Variants in C2orf80 observed in about 807,000 individuals in gnomAD.
C2orf80 encodes the protein chromosome 2 open reading frame 80.
Under a neutral mutation model 30.2 loss-of-function variants are expected in C2orf80, and 28 were observed. The ratio of observed to expected loss-of-function variants is 0.93; its 90% CI spans 0.69 to 1.27. C2orf80 has a LOEUF of 1.27. C2orf80 is among the 50% of genes most tolerant of loss of function. The probability of loss-of-function intolerance (pLI) is 0.00; values close to 1 mark genes in which losing one functional copy is unlikely to be tolerated. For synonymous variants in C2orf80, 80 were observed against 76.4 expected (o/e 1.05, Z -0.24); for missense variants, 220 against 231.0 (o/e 0.95, Z 0.31).
At chr2:208,180,375 C>T (rs919179399) in intron 6 of C2orf80, among the ~76,000 whole-genome samples, 1 of 151,488 alleles carries the variant, frequency 6.6e-6, no homozygotes, top group Non-Finnish European at 1.5e-5. Flanking sequence ...TCCTTGAACC[C>T]AGGAGGCAGA....
intron 8 of C2orf80, among the ~76,000 whole-genome samples, chr2:208,166,427 A>G (rs1203326344): frequency 6.6e-6 from 1 of 152,224 alleles, no homozygotes; most frequent in Non-Finnish European, 1.5e-5. Flanking sequence ...TTTTTACATT[A>G]AAAAGTTATA....
At chr2:208,186,284 T>A (rs1480039705) in intron 2 of C2orf80, among the ~76,000 whole-genome samples, 1 of 152,200 alleles carries the variant, frequency 6.6e-6, no homozygotes, top group East Asian at 1.9e-4. Flanking sequence ...AGATATTTGA[T>A]GGGGATGGTG....
At chr2:208,172,753 C>T (rs1249910056) in intron 6 of C2orf80, among the ~76,000 whole-genome samples, 2 of 152,198 alleles carry the variant, frequency 1.3e-5, no homozygotes, top group African/African-American at 2.4e-5. Flanking sequence ...ATACCCATGG[C>T]TTAGCAATTT....
At chr2:208,177,125 A>ATATATGTACATACATATATAT (rs1553597520) in intron 6 of C2orf80, among the ~76,000 whole-genome samples, 1 of 143,708 alleles carries the variant, frequency 7.0e-6, no homozygotes, top group African/African-American at 2.6e-5. Context: ...GCTCGATTTT[A>ATATATGTACATACATATATAT]TATATATACA....
At chr2:208,186,564 G>C (rs1696723871) in intron 2 of C2orf80, among the ~76,000 whole-genome samples, 1 of 152,172 alleles carries the variant, frequency 6.6e-6, no homozygotes, top group East Asian at 1.9e-4. Context: ...CAGAGCAGAG[G>C]CTGCAATTTA....
intron 4 of C2orf80, among the ~76,000 whole-genome samples, chr2:208,181,798 G>A (rs375686544): frequency 1.9e-4 from 29 of 152,064 alleles, no homozygotes; most frequent in African/African-American, 6.5e-4. Flanking sequence ...AGACACAATT[G>A]GGTGATTAAA....
chr2:208,172,350 C>G (rs1450253014), intron 6 of C2orf80, among the ~76,000 whole-genome samples: 1 of 152,160 alleles, frequency 6.6e-6, no homozygotes, highest in Non-Finnish European at 1.5e-5. Context: ...CCCTTTATAG[C>G]CATTTCCTCC....
intron 8 of C2orf80, among the ~76,000 whole-genome samples, chr2:208,169,461 G>A (rs1377184528): frequency 6.6e-6 from 1 of 152,102 alleles, no homozygotes; most frequent in Non-Finnish European, 1.5e-5. Flanking sequence ...GCCGGGCACA[G>A]TGGCTCACGC....
At chr2:208,168,953 G>A (rs1222110023) in intron 8 of C2orf80, among the ~76,000 whole-genome samples, 2 of 151,326 alleles carry the variant, frequency 1.3e-5, no homozygotes, top group African/African-American at 2.4e-5. Flanking sequence ...AGGACTATTC[G>A]CTTACTACCT....
At position 208,176,201 on chromosome 2, in the gene C2orf80, A is replaced by C. The variant is rs182379695; in HGVS notation, c.367-4126T>G. On this transcript the variant is annotated intron_variant, in intron 6 of 8. Transcript: ENST00000341287. ...AGAGACATTTTTTTTTTTGAGACGG[A>C]GTCTCCCTCTGTTGCCCAAGCTGGA... Among the ~76,000 whole-genome samples, 46 of 151,742 alleles carry C rather than the reference A, an allele frequency of 3.0e-4. No homozygotes were observed. In the East Asian group the frequency reaches 8.7e-3, roughly 29 times the overall value.
At position 208,184,436 on chromosome 2, in the gene C2orf80, T is replaced by C. The variant is rs536104095; in HGVS notation, c.123+515A>G. Among the ~76,000 whole-genome samples, 4 of 152,158 alleles carry C rather than the reference T, an allele frequency of 2.6e-5. No homozygotes were observed. In the South Asian group the frequency reaches 8.3e-4, roughly 32 times the overall value. On this transcript the variant is annotated intron_variant, in intron 3 of 8. Transcript: ENST00000341287. ...TTTTTATTAGTGTAAGGATAGTAAA[T>C]GGGCAGTGAAAAAACTGAGGGTTTG...
chr2:208,172,566 G>T (rs528924067), intron 6 of C2orf80, among the ~76,000 whole-genome samples: 1 of 152,256 alleles, frequency 6.6e-6, no homozygotes, highest in South Asian at 2.1e-4. Flanking sequence ...ATGAATAGTT[G>T]TCCATTGGTA....
chr2:208,170,853 A>G (rs1696075291), intron 8 of C2orf80, 92 bp downstream of exon 8: 1 of 973,968 alleles, frequency 1.0e-6, no homozygotes, highest in African/African-American at 1.6e-5. Context: ...AGAGCACCTG[A>G]CTCCAAAGGC....
At chr2:208,176,963 A>ATCTGTATACATC (rs1308794551) in intron 6 of C2orf80, among the ~76,000 whole-genome samples, 2 of 36,168 alleles carry the variant, frequency 5.5e-5, no homozygotes, top group African/African-American at 1.6e-4. Context: ...CTGTATACAT[A>ATCTGTATACATC]TGTATACATA....
intron 1 of C2orf80, among the ~76,000 whole-genome samples, chr2:208,187,272 C>T (rs1696745971): frequency 6.6e-6 from 1 of 152,184 alleles, no homozygotes; most frequent in African/African-American, 2.4e-5. Context: ...TTTTCCAACA[C>T]TTATTTACTT....
At chr2:208,172,281 T>C (rs7564942) in intron 6 of C2orf80, among the ~76,000 whole-genome samples, 134,652 of 152,174 alleles carry the variant, frequency 0.88, 59,782 homozygotes, top group Non-Finnish European at 0.92. Context: ...CTTTTGTTCC[T>C]GTACTTGGTT....
At chr2:208,179,965 C>T (rs1254325165) in intron 6 of C2orf80, among the ~76,000 whole-genome samples, 2 of 151,988 alleles carry the variant, frequency 1.3e-5, no homozygotes, top group Admixed American at 6.6e-5. Context: ...AGCAGTGAGA[C>T]CCGTCTTTAA....
At position 208,165,553 on chromosome 2, in the gene C2orf80, T is replaced by C. The variant is rs1695857690; in HGVS notation, c.*254A>G. 4.7e-6 allele frequency: 2 copies of C among 425,284 alleles called. No homozygotes were observed. The highest frequency in any genetic ancestry group is 8.2e-5 in the Admixed American group (2 of 24,392). 26.3% of individuals were successfully genotyped at this position (425,284 alleles called of 1,614,324 possible). On this transcript the variant is annotated 3_prime_UTR_variant, in exon 9 of 9. Coordinates refer to ENST00000341287, the MANE Select transcript of C2orf80 (RefSeq NM_001099334.3). ...GCTCTAACACAGAAATACTATATACTTTCTGAATTCTCCAGCAGTCTTCCA... is the reference window on the plus strand; with the variant it reads ...GCTCTAACACAGAAATACTATATACCTTCTGAATTCTCCAGCAGTCTTCCA...
intron 8 of C2orf80, among the ~76,000 whole-genome samples, chr2:208,169,086 A>C (rs1696004777): frequency 6.6e-6 from 1 of 152,134 alleles, no homozygotes; most frequent in Admixed American, 6.5e-5. Flanking sequence ...AAAAATCTTC[A>C]TTGGTTGTGG....
Sources: allele counts gnomAD v4.1 joint callset (sites outside exome capture counted in the v4.1 genomes callset), GRCh38; gene constraint gnomAD v4.1.1; transcripts MANE v1.5; gene names NCBI Gene and HGNC (gene_info 2026-07-23, HGNC 2026-07-21).